The following NAA60 variants were observed in gnomAD, a reference collection of about 807,000 sequenced individuals.
NAA60 encodes N-alpha-acetyltransferase 60.
A neutral mutation model predicts 26.1 loss-of-function variants in NAA60; 8 were observed. That is an observed-to-expected ratio of 0.31 (90% confidence interval 0.18 to 0.55). NAA60 has a LOEUF of 0.55. Among genes scored for constraint, NAA60 ranks in the 20% least tolerant of loss-of-function variants. The pLI is 0.93. For missense variants in NAA60, 290 were observed against 311.3 expected (o/e 0.93, Z 0.51); for synonymous variants, 131 against 122.5 (o/e 1.07, Z -0.46).
At chr16:3,476,568 T>G (rs1408933131) in intron 3 of NAA60, among the ~76,000 whole-genome samples, 2 of 152,174 alleles carry the variant, frequency 1.3e-5, no homozygotes, top group African/African-American at 4.8e-5. Context: ...TGTGAGAAAT[T>G]TCAGTTACAG....
At position 3,443,836 on chromosome 16, in the gene NAA60, A is replaced by T. The variant is rs2034438297; in HGVS notation, c.-78A>T. On this transcript the variant is annotated splice_region_variant and 5_prime_UTR_variant, in exon 1 of 8. Coordinates refer to ENST00000407558, the MANE Select transcript of NAA60 (RefSeq NM_001083601.3). The stretch of plus-strand genomic sequence containing the variant: ...AACTCGAAAGAAAATCGGTAACAAA[A>T]TGTGGGTTCGGCCAACAGTGCCCTG... 9.8e-6 allele frequency: 15 copies of T among 1,534,156 alleles called. No individual in the cohort carries two copies. The highest frequency in any genetic ancestry group is 1.2e-5 in the Non-Finnish European group (14 of 1,146,168).
At position 3,443,737 on chromosome 16, in the gene NAA60, A is replaced by G. The variant is rs1397764214; in HGVS notation, c.-177A>G. 2 of 1,491,592 alleles carry G rather than the reference A, an allele frequency of 1.3e-6. No individual in the cohort carries two copies. Among genetic ancestry groups the G allele is most frequent in the Admixed American group, 4.5e-5 (2 of 44,538 alleles). The allele number at this position is 1,491,592 out of a possible 1,614,324, so 92.4% of individuals were successfully genotyped here. ...TCCGGGCCTGTTTGCCTGCTGAAGT[A>G]GAGTCTTAGGGTGACCCCAGGGGGA... On this transcript the variant is annotated 5_prime_UTR_variant, in exon 1 of 8. Coordinates refer to ENST00000407558, the MANE Select transcript of NAA60 (RefSeq NM_001083601.3).
At chr16:3,452,161 C>T (rs1468267460) in intron 2 of NAA60, among the ~76,000 whole-genome samples, 2 of 152,160 alleles carry the variant, frequency 1.3e-5, no homozygotes, top group African/African-American at 2.4e-5. Flanking sequence ...TGCAGTAAGC[C>T]GTGATCACGC....
At chr16:3,475,344 C>A (rs1325387059) in intron 2 of NAA60, among the ~76,000 whole-genome samples, 1 of 152,182 alleles carries the variant, frequency 6.6e-6, no homozygotes, top group African/African-American at 2.4e-5. Flanking sequence ...CCCACCTTGG[C>A]CTCGCAAAGT....
Position 3,485,455 on chromosome 16 carries a change from T to G in NAA60, c.*207-12T>G, listed in dbSNP as rs1433727886. ...GGGCCTTCACCCTGCCCTGCTCTTC[T>G]CTTTCCCACAGGCTCTTCAGCTCCC... On this transcript the variant is annotated splice_polypyrimidine_tract_variant and intron_variant, in intron 7 of 7. Transcript: ENST00000407558. 1 of 457,646 alleles carries G rather than the reference T, an allele frequency of 2.2e-6. No individual in the cohort carries two copies. The highest frequency in any genetic ancestry group is 4.4e-6 in the Non-Finnish European group (1 of 227,812). The allele number at this position is 457,646 out of a possible 1,614,324, so 28.3% of individuals were successfully genotyped here. A position where few individuals can be genotyped will look rare whatever the true frequency, so the allele number is the denominator to read the frequency against.
chr16:3,480,608 AAAAG>A (rs2036767054), intron 4 of NAA60, among the ~76,000 whole-genome samples: 1 of 151,630 alleles, frequency 6.6e-6, no homozygotes, highest in Non-Finnish European at 1.5e-5. Flanking sequence ...AAAAAAAAAA[AAAAG>A]AAGAAGAAGA....
At chr16:3,443,907 C>T (rs1336533573) in intron 1 of NAA60, 70 bp downstream of exon 1, 5 of 1,468,948 alleles carry the variant, frequency 3.4e-6, no homozygotes, top group Non-Finnish European at 4.5e-6. Flanking sequence ...ATTGAGAGGG[C>T]GGGGGTTCGG....
chr16:3,452,986 T>C (rs1285746549), intron 2 of NAA60, among the ~76,000 whole-genome samples: 2 of 152,048 alleles, frequency 1.3e-5, no homozygotes, highest in Non-Finnish European at 2.9e-5. Context: ...TCCCCTATGT[T>C]GGTGAGGCTG....
intron 2 of NAA60, among the ~76,000 whole-genome samples, chr16:3,470,316 A>G (rs1003693335): frequency 3.3e-5 from 5 of 151,646 alleles, no homozygotes; most frequent in African/African-American, 9.7e-5. Context: ...GCCCAGGTAC[A>G]CCTCCCAGCC....
intron 2 of NAA60, among the ~76,000 whole-genome samples, chr16:3,451,490 T>C (rs1567362862): frequency 6.6e-6 from 1 of 152,216 alleles, no homozygotes; most frequent in African/African-American, 2.4e-5. Flanking sequence ...AACCAAAATA[T>C]GTTAGATACA....
intron 6 of NAA60, 143 bp from the exon 7 acceptor site, chr16:3,484,556 G>A (rs2037054050): frequency 1.8e-6 from 2 of 1,093,726 alleles, no homozygotes; most frequent in Non-Finnish European, 2.6e-6. Flanking sequence ...TTCCAGCTCT[G>A]CAGAGGCTTA....
chr16:3,473,801 C>T (rs2036303931), intron 2 of NAA60, among the ~76,000 whole-genome samples: 1 of 152,036 alleles, frequency 6.6e-6, no homozygotes, highest in African/African-American at 2.4e-5. Context: ...GTGGTGCGAT[C>T]TTGGCTCACT....
chr16:3,465,991 C>T (rs1165156800), intron 2 of NAA60, among the ~76,000 whole-genome samples: 4 of 152,208 alleles, frequency 2.6e-5, no homozygotes, highest in South Asian at 2.1e-4. Flanking sequence ...GGGACCTTGC[C>T]GGAACACCTG....
intron 1 of NAA60, 90 bp from the exon 2 acceptor site, chr16:3,448,381 C>A: frequency 9.7e-7 from 1 of 1,026,078 alleles, no homozygotes; most frequent in African/African-American, 1.6e-5. Flanking sequence ...CTCTGAGATC[C>A]AGGGTTTGTC....
chr16:3,474,138 C>T (rs1010156581), intron 2 of NAA60, among the ~76,000 whole-genome samples: 1 of 152,182 alleles, frequency 6.6e-6, no homozygotes, highest in Admixed American at 6.5e-5. Context: ...AGAGGCTTCT[C>T]CCTATAAAGC....
intron 2 of NAA60, among the ~76,000 whole-genome samples, chr16:3,465,771 G>C (rs1044725027): frequency 6.6e-6 from 1 of 152,214 alleles, no homozygotes; most frequent in East Asian, 1.9e-4. Flanking sequence ...TGAGTACTTA[G>C]GTAATGGTGC....
rs942943644 is a variant in NAA60, at chr16:3,479,537, C to T, written c.177C>T (p.Tyr59=). 3.7e-6 allele frequency: 6 copies of T among 1,613,898 alleles called. No homozygotes were observed. The South Asian group carries it at 6.6e-5, about 18-fold the overall frequency. ...NKKFFSLAAT[Y]RGAIVGMIVA... is the part of the protein sequence containing the mutation. The stretch of plus-strand genomic sequence containing the variant: ...AGTTCTTTTCCCTTGCTGCAACCTA[C>T]AGAGGTGCCATTGTGGGAATGATAG... The change falls in exon 4 of 8, where the codon TAC becomes TAT. Residue 59 remains tyrosine, a synonymous_variant. Coordinates refer to ENST00000407558, the MANE Select transcript of NAA60 (RefSeq NM_001083601.3).
At chr16:3,450,230 C>T (rs2034722210) in intron 2 of NAA60, 1 of 335,466 alleles carries the variant, frequency 3.0e-6, no homozygotes, top group African/African-American at 2.1e-5. Flanking sequence ...TGGGAGTGCT[C>T]CTGGGGTGGT....
At chr16:3,470,260 G>A (rs1305981402) in intron 2 of NAA60, among the ~76,000 whole-genome samples, 1 of 152,156 alleles carries the variant, frequency 6.6e-6, no homozygotes, top group African/African-American at 2.4e-5. Context: ...GACAATGCTG[G>A]GGGAGCAGCT....
Sources: gnomAD v4.1 joint callset for allele counts (sites outside exome capture counted in the v4.1 genomes callset) on GRCh38, gnomAD v4.1.1 for gene constraint, MANE v1.5 for transcripts, NCBI Gene and HGNC (gene_info 2026-07-23, HGNC 2026-07-21) for gene names.